PLCL1: variants seen among roughly 807,000 people sequenced by gnomAD.
The protein encoded by PLCL1 is phospholipase C like 1 (inactive).
In PLCL1, 41 loss-of-function variants were observed where a neutral mutation model predicts 84.4. The observed-to-expected ratio is 0.49, with a 90% confidence interval of 0.38 to 0.63. The LOEUF (loss-of-function observed/expected upper bound fraction) is 0.63, where lower values mean the gene tolerates loss of function less well. Among genes scored for constraint, PLCL1 ranks in the 30% least tolerant of loss-of-function variants. The pLI is 0.00. For missense variants in PLCL1, 1,206 were observed against 1,367.8 expected, an observed-to-expected ratio of 0.88 and a Z score of 1.87; for synonymous variants, 490 against 488.3, an observed-to-expected ratio of 1.00 and a Z score of -0.05.
At chr2:197,982,821 C>A (rs1231805975) in intron 1 of PLCL1, among the ~76,000 whole-genome samples, 1 of 152,170 alleles carries the variant, frequency 6.6e-6, no homozygotes, top group Non-Finnish European at 1.5e-5. Context: ...CCATCTTTAG[C>A]TACAAGTCAA....
chr2:197,879,797 C>T (rs1339733709), intron 1 of PLCL1, among the ~76,000 whole-genome samples: 5 of 152,124 alleles, frequency 3.3e-5, no homozygotes, highest in Admixed American at 3.3e-4. Context: ...GAGGGCTAGC[C>T]TTTATCTTTC....
intron 1 of PLCL1, among the ~76,000 whole-genome samples, chr2:197,915,815 G>T (rs1201324575): frequency 6.6e-6 from 1 of 152,134 alleles, no homozygotes; most frequent in African/African-American, 2.4e-5. Context: ...TGATGCGAAG[G>T]CTGAGAGAGA....
At chr2:197,900,784 G>T (rs1441585477) in intron 1 of PLCL1, among the ~76,000 whole-genome samples, 1 of 152,158 alleles carries the variant, frequency 6.6e-6, no homozygotes, top group East Asian at 1.9e-4. Flanking sequence ...AGAAAAAAAT[G>T]CTAACTTTTG....
At chr2:198,022,713 G>A (rs537774076) in intron 1 of PLCL1, among the ~76,000 whole-genome samples, 81 of 152,186 alleles carry the variant, frequency 5.3e-4, no homozygotes, top group African/African-American at 1.9e-3. Context: ...ACCTCTTCAA[G>A]GAGAACTACA....
At chr2:198,033,336 C>A (rs752025809) in intron 1 of PLCL1, among the ~76,000 whole-genome samples, 35 of 152,252 alleles carry the variant, frequency 2.3e-4, no homozygotes, top group Middle Eastern at 3.4e-3. Flanking sequence ...TCCCTTATTG[C>A]AGGGAGAGCC....
At chr2:198,142,917 G>A (rs1424174786) in intron 5 of PLCL1, among the ~76,000 whole-genome samples, 1 of 151,618 alleles carries the variant, frequency 6.6e-6, no homozygotes, top group East Asian at 1.9e-4. Context: ...GTGTTCAGTG[G>A]TCAACTTGTA....
At chr2:198,043,506 C>G (rs1056451847) in intron 1 of PLCL1, among the ~76,000 whole-genome samples, 1 of 152,268 alleles carries the variant, frequency 6.6e-6, no homozygotes, top group Non-Finnish European at 1.5e-5. Flanking sequence ...GCCTTGCCAT[C>G]AACGTGGCAA....
At chr2:197,836,069 A>T (rs942272506) in intron 1 of PLCL1, among the ~76,000 whole-genome samples, 2 of 152,158 alleles carry the variant, frequency 1.3e-5, no homozygotes, top group African/African-American at 4.8e-5. Context: ...ATAGAAATAA[A>T]TTTTTTTGGC....
At chr2:197,814,739 A>G (rs187698695) in intron 1 of PLCL1, among the ~76,000 whole-genome samples, 5 of 152,340 alleles carry the variant, frequency 3.3e-5, no homozygotes, top group Admixed American at 3.3e-4. Flanking sequence ...GTGCTACTCC[A>G]GGAAGCATAT....
intron 1 of PLCL1, among the ~76,000 whole-genome samples, chr2:198,032,801 A>G (rs890442663): frequency 6.6e-6 from 1 of 152,198 alleles, no homozygotes; most frequent in African/African-American, 2.4e-5. Flanking sequence ...AAGATAAAAT[A>G]TTACTTGTTA....
chr2:197,971,312 T>C (rs916625501), intron 1 of PLCL1, among the ~76,000 whole-genome samples: 4 of 152,174 alleles, frequency 2.6e-5, no homozygotes, highest in African/African-American at 7.2e-5. Context: ...TTCTTTGGAT[T>C]TTTAGATGAG....
chr2:197,859,794 G>A (rs1687394826), intron 1 of PLCL1, among the ~76,000 whole-genome samples: 1 of 152,186 alleles, frequency 6.6e-6, no homozygotes, highest in African/African-American at 2.4e-5. Context: ...ATACCACCTA[G>A]TTTTGGATAA....
At chr2:197,858,425 C>T (rs970530382) in intron 1 of PLCL1, among the ~76,000 whole-genome samples, 3 of 152,142 alleles carry the variant, frequency 2.0e-5, no homozygotes, top group African/African-American at 7.2e-5. Context: ...CTGTGGTCTC[C>T]ATTCTGATTT....
intron 5 of PLCL1, among the ~76,000 whole-genome samples, chr2:198,117,327 G>GTT (rs1216009152): frequency 7.5e-5 from 7 of 93,398 alleles, no homozygotes; most frequent in Admixed American, 2.9e-4. Flanking sequence ...GTCATTTTCT[G>GTT]TTTTTTTTTT....
intron 5 of PLCL1, among the ~76,000 whole-genome samples, chr2:198,108,571 A>G (rs539612335): frequency 6.6e-6 from 1 of 152,048 alleles, no homozygotes; most frequent in South Asian, 2.1e-4. Flanking sequence ...TGTTTTCTGC[A>G]GTTCAATATT....
At chr2:198,028,930 A>AT (rs1285815282) in intron 1 of PLCL1, among the ~76,000 whole-genome samples, 6 of 152,200 alleles carry the variant, frequency 3.9e-5, no homozygotes, top group African/African-American at 1.4e-4. Flanking sequence ...TTACAAACAA[A>AT]TATACAGTAC....
chr2:198,032,392 A>C (rs1453578639), intron 1 of PLCL1, among the ~76,000 whole-genome samples: 2 of 152,206 alleles, frequency 1.3e-5, no homozygotes, highest in Non-Finnish European at 2.9e-5. Flanking sequence ...TCTGTTTGTC[A>C]TCAGTGACAA....
At chr2:197,893,624 G>C (rs1688073876) in intron 1 of PLCL1, among the ~76,000 whole-genome samples, 1 of 152,178 alleles carries the variant, frequency 6.6e-6, no homozygotes, top group Non-Finnish European at 1.5e-5. Context: ...AAGGTCAAAA[G>C]CAAGTCACAG....
intron 1 of PLCL1, among the ~76,000 whole-genome samples, chr2:198,020,186 G>C (rs964990341): frequency 6.6e-6 from 1 of 152,172 alleles, no homozygotes; most frequent in Admixed American, 6.5e-5. Context: ...ATAATCAAAT[G>C]CTGAGGGATT....
Sources: allele counts gnomAD v4.1 joint callset (sites outside exome capture counted in the v4.1 genomes callset), GRCh38; gene constraint gnomAD v4.1.1; transcripts MANE v1.5; gene names NCBI Gene and HGNC (gene_info 2026-07-23, HGNC 2026-07-21).